The following PDE4A variants were observed in gnomAD, a reference collection of about 807,000 sequenced individuals.
The protein encoded by PDE4A is phosphodiesterase 4A.
In PDE4A, 21 loss-of-function variants were observed where a neutral mutation model predicts 73.9. The ratio of observed to expected loss-of-function variants is 0.28; its 90% CI spans 0.20 to 0.41. PDE4A has a LOEUF of 0.41. Among genes scored for constraint, PDE4A ranks in the 10% least tolerant of loss-of-function variants. The pLI is 1.00. For missense variants in PDE4A, 958 were observed against 1,211.4 expected (o/e 0.79, Z 3.10); for synonymous variants, 463 against 505.4 (o/e 0.92, Z 1.13).
At chr19:10,431,563 G>A (rs2042788803) in intron 1 of PDE4A, among the ~76,000 whole-genome samples, 1 of 152,214 alleles carries the variant, frequency 6.6e-6, no homozygotes, top group African/African-American at 2.4e-5. Flanking sequence ...GGAGTGACAG[G>A]CCCCGAGGCC....
chr19:10,464,460 A>G lies in PDE4A; in HGVS notation c.1926+485A>G, dbSNP rs1443595377. ...GAGACCGGGTCTTGCACTGTTGCCC[A>G]GGGTAGCATGCAGTGGTGTGATCAT... On this transcript the variant is annotated intron_variant, in intron 14 of 14. Transcript: ENST00000380702. The G allele has an allele frequency of 8.8e-6, 4 of 455,180 alleles. No homozygotes were observed. In the Admixed American group the frequency reaches 9.4e-5, roughly 11 times the overall value. 28.2% of individuals were successfully genotyped at this position (455,180 alleles called of 1,614,324 possible).
chr19:10,447,995 C>G (rs1276163464), intron 2 of PDE4A, among the ~76,000 whole-genome samples: 6 of 152,168 alleles, frequency 3.9e-5, no homozygotes, highest in Non-Finnish European at 7.3e-5. Context: ...GAAGCTCACA[C>G]TCATAATCCT....
intron 14 of PDE4A, 147 bp downstream of exon 14, chr19:10,464,122 G>A (rs1599460806): frequency 6.6e-6 from 7 of 1,058,572 alleles, no homozygotes; most frequent in Middle Eastern, 2.8e-4. Flanking sequence ...TTTTGAGACG[G>A]AGTCTCATTC....
intron 14 of PDE4A, among the ~76,000 whole-genome samples, chr19:10,464,233 G>T (rs1025795494): frequency 1.3e-5 from 2 of 151,970 alleles, no homozygotes; most frequent in African/African-American, 4.8e-5. Flanking sequence ...AAGTATCTGG[G>T]ATTACAGGCG....
intron 1 of PDE4A, among the ~76,000 whole-genome samples, chr19:10,444,586 C>T (rs2042979843): frequency 6.6e-6 from 1 of 151,740 alleles, no homozygotes; most frequent in South Asian, 2.1e-4. Context: ...GAGCAGAGGC[C>T]TGAAGGAGGG....
intron 1 of PDE4A, among the ~76,000 whole-genome samples, chr19:10,429,796 T>C (rs1025590563): frequency 6.6e-6 from 1 of 152,158 alleles, no homozygotes; most frequent in South Asian, 2.1e-4. Context: ...CTGGGGTCTA[T>C]TGGGGCACCC....
At position 10,450,611 on chromosome 19, in the gene PDE4A, C is replaced by A. The variant is rs199502182; in HGVS notation, c.629C>A (p.Pro210Gln). The A allele has an allele frequency of 4.4e-6, 7 of 1,608,862 alleles. No individual in the cohort carries two copies. Among genetic ancestry groups the A allele is most frequent in the Non-Finnish European group, 5.9e-6 (7 of 1,178,174 alleles). ...NVPVPSNKRSPLGGPTPVCKA... is the reference protein window; with the variant it reads ...NVPVPSNKRSQLGGPTPVCKA... ...TTTTTTTTTTTCTGCAGGCGGTCCC[C>A]GCTGGGCGGCCCCACCCCTGTCTGC... The change falls in exon 5 of 15, where the codon CCG (proline) becomes CAG (glutamine). Residue 210 changes from proline to glutamine, a missense_variant. Physicochemically the swap from Pro to Gln is moderately conservative, Grantham distance 76 (BLOSUM62 -1). This residue lies in a region of PDE4A where 570 missense variants were observed against 827.7 expected (regional missense o/e 0.69). Coordinates refer to ENST00000380702, the MANE Select transcript of PDE4A (RefSeq NM_001111307.2).
At chr19:10,430,885 A>C in intron 1 of PDE4A, 2 of 1,440,444 alleles carry the variant, frequency 1.4e-6, no homozygotes, top group Non-Finnish European at 1.8e-6. Flanking sequence ...CCGGAGCTGC[A>C]ACTGGTGGCC....
At position 10,457,896 on chromosome 19, in the gene PDE4A, G is replaced by A; in HGVS notation, c.895G>A (p.Glu299Lys). 2 of 1,612,072 alleles carry A rather than the reference G, an allele frequency of 1.2e-6. No individual in the cohort carries two copies. Among genetic ancestry groups the A allele is most frequent in the Non-Finnish European group, 1.7e-6 (2 of 1,179,942 alleles). Reference protein sequence around the residue: ...TTFLDKQNEVEIPSPTMKERE... With the variant: ...TTFLDKQNEVKIPSPTMKERE... ...TTCTGCAGACAAACAGAATGAAGTG[G>A]AGATCCCATCACCCACGATGAAGGA... The change falls in exon 8 of 15, where the codon GAG (glutamate) becomes AAG (lysine). Residue 299 changes from glutamate to lysine, a missense_variant. This residue lies in a region of PDE4A where 570 missense variants were observed against 827.7 expected (regional missense o/e 0.69). Coordinates refer to ENST00000380702, the MANE Select transcript of PDE4A (RefSeq NM_001111307.2).
intron 1 of PDE4A, chr19:10,431,126 T>C: frequency 7.3e-7 from 1 of 1,371,592 alleles, no homozygotes; most frequent in South Asian, 1.5e-5. Context: ...AAGTCGCCCC[T>C]GGCCACCTGG....
At chr19:10,447,029 G>A (rs11878725) in intron 2 of PDE4A, among the ~76,000 whole-genome samples, 31,296 of 150,546 alleles carry the variant, frequency 0.21, 3,418 homozygotes, top group Middle Eastern at 0.25. Flanking sequence ...TTCCCGAGTA[G>A]TTGGGACTAC....
chr19:10,464,084 A>G, intron 14 of PDE4A, 109 bp downstream of exon 14: 1 of 1,405,514 alleles, frequency 7.1e-7, no homozygotes, highest in Non-Finnish European at 9.8e-7. Flanking sequence ...CACAATGCCA[A>G]GTTGTCCTGT....
intron 2 of PDE4A, among the ~76,000 whole-genome samples, chr19:10,448,386 C>T (rs2043042916): frequency 6.6e-6 from 1 of 151,842 alleles, no homozygotes; most frequent in Admixed American, 6.6e-5. Flanking sequence ...CCTATAATCC[C>T]AGCACTTTGA....
chr19:10,451,886 G>A (rs1057507287), intron 6 of PDE4A, among the ~76,000 whole-genome samples: 4 of 152,020 alleles, frequency 2.6e-5, no homozygotes, highest in Admixed American at 6.6e-5. Flanking sequence ...TCTTTGTTGG[G>A]GGGTGCTTAC....
chr19:10,419,056 CTTTTTTTT>C (rs977830124), upstream of PDE4A: 132 of 817,136 alleles, frequency 1.6e-4, 1 homozygote, highest in East Asian at 2.9e-3. Flanking sequence ...GACCGGCAGT[CTTTTTTTT>C]TTTTTTTTTT....
chr19:10,431,158 C>T, intron 1 of PDE4A: 1 of 1,022,764 alleles, frequency 9.8e-7, no homozygotes, highest in Non-Finnish European at 1.3e-6. Flanking sequence ...GTCTAGGGTT[C>T]GTGGCTCACT....
At chr19:10,463,011 T>C (rs2043299421) in intron 13 of PDE4A, among the ~76,000 whole-genome samples, 1 of 152,128 alleles carries the variant, frequency 6.6e-6, no homozygotes, top group African/African-American at 2.4e-5. Context: ...CAGAGCAACA[T>C]TGCAAGATCC....
At chr19:10,463,266 T>A (rs2043305909) in intron 13 of PDE4A, among the ~76,000 whole-genome samples, 1 of 151,432 alleles carries the variant, frequency 6.6e-6, no homozygotes, top group Non-Finnish European at 1.5e-5. Context: ...ATTTTTGTAT[T>A]TTTAGTAGAG....
intron 5 of PDE4A, 33 bp from the exon 6 acceptor site, chr19:10,450,796 T>A: frequency 6.3e-7 from 1 of 1,586,922 alleles, no homozygotes. Context: ...CTACAGACCT[T>A]CTCAGTCACT....
Sources: allele counts gnomAD v4.1 joint callset (sites outside exome capture counted in the v4.1 genomes callset), GRCh38; gene constraint gnomAD v4.1.1; regional missense constraint gnomAD v4.1.1; transcripts MANE v1.5; gene names NCBI Gene and HGNC (gene_info 2026-07-23, HGNC 2026-07-21).